The following SPTBN5 variants were observed in gnomAD, a reference collection of about 807,000 sequenced individuals.
The protein encoded by SPTBN5 is spectrin beta, non-erythrocytic 5.
In SPTBN5, 513 loss-of-function variants were observed where a neutral mutation model predicts 477.6. That is an observed-to-expected ratio of 1.07 (90% CI 1.00 to 1.16). The LOEUF (loss-of-function observed/expected upper bound fraction) is 1.16, where lower values mean the gene tolerates loss of function less well. Ranked by LOEUF, SPTBN5 falls within the 50% of genes most tolerant of loss-of-function variation. The probability of loss-of-function intolerance (pLI) is 0.00; values close to 1 mark genes in which losing one functional copy is unlikely to be tolerated. For missense variants in SPTBN5, 5,062 were observed against 4,731.8 expected (o/e 1.07, Z -2.05); for synonymous variants, 2,169 against 2,011.7 (o/e 1.08, Z -2.09).
chr15:41,870,201 G>C (rs2066485081), intron 31 of SPTBN5, 42 bp downstream of exon 31: 1 of 1,526,964 alleles, frequency 6.5e-7, no homozygotes, highest in Non-Finnish European at 8.8e-7. Flanking sequence ...GCCTGAGGGG[G>C]CTGCAGGGGC....
chr15:41,862,438 G>A, intron 43 of SPTBN5, 101 bp downstream of exon 43: 2 of 1,520,852 alleles, frequency 1.3e-6, no homozygotes, highest in Non-Finnish European at 1.8e-6. Context: ...TTATTTGAAG[G>A]GTGGAGAAGG....
At chr15:41,851,693 G>T in intron 63 of SPTBN5, 86 bp downstream of exon 63, 1 of 1,026,720 alleles carries the variant, frequency 9.7e-7, no homozygotes, top group Non-Finnish European at 1.5e-6. Context: ...ACAGTGCAAG[G>T]GTGCCAGGCC....
Position 41,893,391 on chromosome 15 carries a change from A to G in SPTBN5, c.107T>C (p.Met36Thr), listed in dbSNP as rs1454250637. Residue 36 changes from methionine to threonine, a missense_variant, in exon 2 of 68, where the codon ATG (methionine) becomes ACG (threonine). By Grantham distance (81) the Met-to-Thr change is moderately conservative. Coordinates refer to ENST00000320955, the MANE Select transcript of SPTBN5 (RefSeq NM_016642.4). ...GTGGCCCGTCTCGTACTGAGAGTCC[A>G]TGGTGAGACTTGGACTGGGCGGGAC... ...LRVPPSPSLT[M>T]DSQYETGHIR... 1.2e-6 allele frequency: 2 copies of G among 1,613,686 alleles called. No individual in the cohort carries two copies. Among genetic ancestry groups the G allele is most frequent in the Admixed American group, 1.7e-5 (1 of 59,998 alleles).
chr15:41,864,090 CAGGCA>C, intron 39 of SPTBN5, 66 bp from the exon 40 acceptor site: 1 of 1,405,720 alleles, frequency 7.1e-7, no homozygotes, highest in Non-Finnish European at 9.8e-7. Flanking sequence ...CCCACCTCAG[CAGGCA>C]CTGAAAGCAT....
Position 41,853,246 on chromosome 15 carries a change from C to G in SPTBN5, c.10170+12G>C, listed in dbSNP as rs748598225. 1 of 1,577,068 alleles carries G rather than the reference C, an allele frequency of 6.3e-7. No homozygotes were observed. Among genetic ancestry groups the G allele is most frequent in the Non-Finnish European group, 8.7e-7 (1 of 1,154,156 alleles). ...CCCAGCCCAACCCCAGGCCCACCCT[C>G]TGAGTTCACACCTCCGCAGACATGA... On this transcript the variant is annotated intron_variant, in intron 59 of 67. Coordinates refer to ENST00000320955, the MANE Select transcript of SPTBN5 (RefSeq NM_016642.4).
chr15:41,875,314 C>A, intron 22 of SPTBN5, 144 bp downstream of exon 22: 1 of 1,104,384 alleles, frequency 9.1e-7, no homozygotes, highest in Non-Finnish European at 1.3e-6. Context: ...AGCGGAAAGC[C>A]ACGCTCAGCT....
chr15:41,852,026 A>G (rs924769347), intron 62 of SPTBN5, 156 bp downstream of exon 62: 1 of 983,400 alleles, frequency 1.0e-6, no homozygotes, highest in Non-Finnish European at 1.5e-6. Context: ...GTATGGCTGT[A>G]GACAGCCATC....
intron 28 of SPTBN5, 131 bp from the exon 29 acceptor site, chr15:41,871,651 T>G (rs969623171): frequency 7.1e-7 from 1 of 1,414,016 alleles, no homozygotes. Context: ...CCCGCTCCAC[T>G]GAGGAGGCCC....
chr15:41,871,257 TG>T, intron 29 of SPTBN5, 117 bp downstream of exon 29: 1 of 1,194,546 alleles, frequency 8.4e-7, no homozygotes, highest in Non-Finnish European at 1.1e-6. Flanking sequence ...CAGAGCCCCG[TG>T]GGCAGCCAGG....
chr15:41,870,581 ACCAG>A lies in SPTBN5; in HGVS notation c.5448-25_5448-22del, dbSNP rs745438327. 2.5e-6 allele frequency: 4 copies of A among 1,591,328 alleles called. No individual in the cohort carries two copies. In the East Asian group the frequency reaches 9.0e-5, roughly 36 times the overall value. ...CGGTCCTGCCCACGGCGTGTGGAAGACCAGCCGGGGATCAGCTGCCGGGCCGTGT... is the reference window on the plus strand; with the variant it reads ...CGGTCCTGCCCACGGCGTGTGGAAGACCGGGGATCAGCTGCCGGGCCGTGT... On this transcript the variant is annotated intron_variant, in intron 29 of 67. Coordinates refer to ENST00000320955, the MANE Select transcript of SPTBN5 (RefSeq NM_016642.4).
rs890405462 is a variant in SPTBN5 at position 41,849,905 on chromosome 15, C to T, written c.10976G>A (p.Cys3659Tyr). 8.8e-6 allele frequency: 14 copies of T among 1,594,378 alleles called. No individual in the cohort carries two copies. Among genetic ancestry groups the T allele is most frequent in the Non-Finnish European group, 1.2e-5 (14 of 1,170,296 alleles). The change falls in exon 67 of 68, where the codon TGC becomes TAC. Residue 3659 changes from cysteine to tyrosine, a missense_variant. Transcript: ENST00000320955. ...KAKPVSSLNE[C>Y]TTKDARPGCL... ...TCCAGGCCGGGCATCCTTGGTCGTG[C>T]ACTCATTCAGAGAGCTGACAGGTTT...
Position 41,868,586 on chromosome 15 carries a change from A to G in SPTBN5, c.5869T>C (p.Ser1957Pro), listed in dbSNP as rs2066422515. Residue 1957 changes from serine (S) to proline (P), a missense_variant, in exon 33 of 68, where the codon TCC becomes CCC. Ser to Pro is a moderately conservative substitution (Grantham distance 74). Transcript: ENST00000320955. ...TCCTGGCGCACGCGGGCTGCCCAGG[A>G]GGCATAGTCACGCACCTGATCCCGG... ...RFRTAVRDYA[S>P]WAARVRQDLQ... 1 of 1,599,692 alleles carries G rather than the reference A, an allele frequency of 6.3e-7. No homozygotes were observed. Among genetic ancestry groups the G allele is most frequent in the African/African-American group, 1.3e-5 (1 of 74,884 alleles).
At position 41,881,979 on chromosome 15, in the gene SPTBN5, TCCAGCCGC is replaced by T; in HGVS notation, c.2406_2413del (p.Arg803GlyfsTer34). On this transcript the variant is annotated frameshift_variant, in exon 12 of 68. Coordinates refer to ENST00000320955, the MANE Select transcript of SPTBN5 (RefSeq NM_016642.4). LOFTEE classifies it high-confidence loss of function. Reference sequence around the variant, plus strand: ...GGCCGAGGCCGCCCGCCCCTGCTCCTCCAGCCGCCGCAGCTCGGCCGCGAAGGCGCGCA... The same window carrying T: ...GGCCGAGGCCGCCCGCCCCTGCTCCTCGCAGCTCGGCCGCGAAGGCGCGCA... 6.5e-7 allele frequency: 1 copy of T among 1,537,494 alleles called. No homozygotes were observed. Among genetic ancestry groups the T allele is most frequent in the Non-Finnish European group, 8.7e-7 (1 of 1,151,200 alleles).
Position 41,873,205 on chromosome 15 carries a change from G to C in SPTBN5, c.5007+287C>G, listed in dbSNP as rs368815206. Among the ~76,000 whole-genome samples the C allele has an allele frequency of 2.0e-5, 3 of 152,296 alleles. No individual in the cohort carries two copies. The South Asian group carries it at 6.2e-4, about 32-fold the overall frequency. On this transcript the variant is annotated intron_variant, in intron 26 of 67. Transcript: ENST00000320955. ...ACCTTGACAGAGGAGAAAGGTGCCA[G>C]GGGTGGGGTAGAGAGGAAGCAAGAG...
chr15:41,868,387 A>G lies in SPTBN5; in HGVS notation c.6057+11T>C. 6.3e-7 allele frequency: 1 copy of G among 1,594,126 alleles called. No homozygotes were observed. The highest frequency in any genetic ancestry group is 2.3e-5 in the East Asian group (1 of 44,404). On this transcript the variant is annotated intron_variant, in intron 33 of 67. Coordinates refer to ENST00000320955, the MANE Select transcript of SPTBN5 (RefSeq NM_016642.4). ...CTAGGGTATGTGGGGGCACCAGGGG[A>G]GGGGGCCCACCTCCTTGGTGGGTGT... is the stretch of plus-strand genomic sequence containing the variant.
intron 48 of SPTBN5, 67 bp downstream of exon 48, chr15:41,858,818 GAGGAA>G: frequency 6.4e-7 from 1 of 1,555,802 alleles, no homozygotes; most frequent in African/African-American, 1.4e-5. Context: ...GGATACCCCA[GAGGAA>G]GGGTGGCCTT....
At chr15:41,849,542 C>T (rs935414942) in intron 67 of SPTBN5, among the ~76,000 whole-genome samples, 2 of 152,156 alleles carry the variant, frequency 1.3e-5, no homozygotes, top group South Asian at 2.1e-4. Flanking sequence ...CAGCACTGGG[C>T]AGAGGGAAAC....
intron 63 of SPTBN5, among the ~76,000 whole-genome samples, 198 bp downstream of exon 63, chr15:41,851,581 T>TGGG (rs138547502): frequency 1.4e-3 from 173 of 120,056 alleles, no homozygotes; most frequent in African/African-American, 4.8e-3. Flanking sequence ...CAGCACCTCC[T>TGGG]GGTGGGGGTG....
chr15:41,870,004 TC>T lies in SPTBN5; in HGVS notation c.5689del (p.Glu1897ArgfsTer25). 6.7e-7 allele frequency: 1 copy of T among 1,501,782 alleles called. No homozygotes were observed. The highest frequency in any genetic ancestry group is 1.3e-5 in the South Asian group (1 of 76,292). The allele number at this position is 1,501,782 out of a possible 1,614,324, so 93.0% of individuals were successfully genotyped here. A position where few individuals can be genotyped will look rare whatever the true frequency, so the allele number is the denominator to read the frequency against. ...GTERQLQELL[E>X]TAGRVQKLCP... ...CAGCTTCTGCACCCTGCCTGCAGTC[TC>T]CAGCAGTTCCTGCAGCTGCGGGAGG... is the stretch of plus-strand genomic sequence containing the variant. On this transcript the variant is annotated frameshift_variant, in exon 32 of 68. Transcript: ENST00000320955. LOFTEE classifies it high-confidence loss of function.
Sources: allele counts gnomAD v4.1 joint callset (sites outside exome capture counted in the v4.1 genomes callset), GRCh38; gene constraint gnomAD v4.1.1; transcripts MANE v1.5; gene names NCBI Gene and HGNC (gene_info 2026-07-23, HGNC 2026-07-21).